DLC1: variants seen among roughly 807,000 people sequenced by gnomAD.
DLC1 encodes the protein DLC1 Rho GTPase activating protein.
A neutral mutation model predicts 140.3 loss-of-function variants in DLC1; 54 were observed. The ratio of observed to expected loss-of-function variants is 0.38; its 90% CI spans 0.31 to 0.48. DLC1 has a LOEUF of 0.48. Ranked by LOEUF, DLC1 falls within the 20% of genes least tolerant of loss-of-function variation. The probability of loss-of-function intolerance (pLI) is 0.96; values close to 1 mark genes in which losing one functional copy is unlikely to be tolerated. For synonymous variants in DLC1, 986 were observed against 728.1 expected (o/e 1.35, Z -5.70); for missense variants, 2,536 against 1,907.0 (o/e 1.33, Z -6.14).
chr8:13,198,183 C>T (rs1827176136), intron 5 of DLC1, among the ~76,000 whole-genome samples: 1 of 152,110 alleles, frequency 6.6e-6, no homozygotes, highest in Admixed American at 6.5e-5. Context: ...AAGTGACGAT[C>T]ACAAGTGTGA....
chr8:13,515,181 A>T (rs188027428), upstream of DLC1, among the ~76,000 whole-genome samples: 1 of 152,356 alleles, frequency 6.6e-6, no homozygotes, highest in Admixed American at 6.5e-5. Flanking sequence ...TGCACAGCTT[A>T]ATCAAAATGC....
At chr8:13,522,060 T>G (rs1802782787) in intron 1 of DLC1, among the ~76,000 whole-genome samples, 1 of 152,082 alleles carries the variant, frequency 6.6e-6, no homozygotes, top group African/African-American at 2.4e-5. Context: ...GGAAGAGATA[T>G]TTTTTCAAGG....
intron 4 of DLC1, among the ~76,000 whole-genome samples, chr8:13,313,256 A>G (rs1205996603): frequency 1.3e-5 from 2 of 152,202 alleles, no homozygotes; most frequent in Non-Finnish European, 2.9e-5. Context: ...TAGTTAATCA[A>G]GACTCAAGCC....
chr8:13,167,950 T>C (rs1456721951), intron 5 of DLC1, among the ~76,000 whole-genome samples: 1 of 152,250 alleles, frequency 6.6e-6, no homozygotes, highest in Admixed American at 6.5e-5. Context: ...GTACCATTTA[T>C]TAATACTTAG....
At chr8:13,364,436 T>C (rs1256656442) in intron 4 of DLC1, among the ~76,000 whole-genome samples, 6 of 152,096 alleles carry the variant, frequency 3.9e-5, no homozygotes, top group Admixed American at 3.9e-4. Context: ...GTAGCTGAGA[T>C]TACAGGCATG....
chr8:13,582,121 C>T (rs765079193), intron 1 of DLC1, among the ~76,000 whole-genome samples: 2 of 152,042 alleles, frequency 1.3e-5, no homozygotes, highest in Non-Finnish European at 2.9e-5. Flanking sequence ...TTTTCTATAG[C>T]CTCTGGAGGT....
At chr8:13,412,498 A>G (rs1837823603) in intron 2 of DLC1, among the ~76,000 whole-genome samples, 1 of 152,130 alleles carries the variant, frequency 6.6e-6, no homozygotes, top group Non-Finnish European at 1.5e-5. Flanking sequence ...ACTGGAAATA[A>G]CTTACTATCA....
At chr8:13,493,154 C>T (rs1204560510) in intron 2 of DLC1, among the ~76,000 whole-genome samples, 1 of 152,192 alleles carries the variant, frequency 6.6e-6, no homozygotes, top group Non-Finnish European at 1.5e-5. Flanking sequence ...GCACAATCTT[C>T]TCAACAGGCC....
intron 5 of DLC1, among the ~76,000 whole-genome samples, chr8:13,302,783 C>T (rs113901882): frequency 2.7e-4 from 41 of 151,362 alleles, no homozygotes; most frequent in African/African-American, 9.9e-4. Context: ...CTCAATTAAC[C>T]CCGAGAAGAT....
chr8:13,324,418 C>G (rs542912352), intron 4 of DLC1, among the ~76,000 whole-genome samples: 2 of 151,802 alleles, frequency 1.3e-5, no homozygotes, highest in Non-Finnish European at 2.9e-5. Flanking sequence ...AATACAAAAA[C>G]TTAGCTGGGC....
intron 5 of DLC1, among the ~76,000 whole-genome samples, chr8:13,159,858 A>G (rs77172485): frequency 4.6e-5 from 6 of 130,514 alleles, no homozygotes; most frequent in South Asian, 2.3e-4. Context: ...ACCTGGTTTG[A>G]AAAAAAAAAA....
chr8:13,517,150 G>A (rs1802613402), upstream of DLC1, among the ~76,000 whole-genome samples: 1 of 152,118 alleles, frequency 6.6e-6, no homozygotes, highest in Admixed American at 6.6e-5. Flanking sequence ...AATGAGAACT[G>A]ATATTATGTC....
chr8:13,337,345 G>C (rs1833848940), intron 4 of DLC1, among the ~76,000 whole-genome samples: 1 of 152,076 alleles, frequency 6.6e-6, no homozygotes, highest in Non-Finnish European at 1.5e-5. Context: ...TCCGATTTCA[G>C]AATAATGGAT....
rs1554577907 is a variant in DLC1, at chr8:13,120,356, A to AAT, written c.1349-4701_1349-4700dup. ...AGACTCCGTCGCAAAAAAAAAAAAA[A>AAT]ATATATATATATATAAAATGTATAT... On this transcript the variant is annotated intron_variant, in intron 5 of 17. Coordinates refer to ENST00000276297, the MANE Select transcript of DLC1 (RefSeq NM_182643.3). 1.5e-3 allele frequency among the ~76,000 whole-genome samples: 89 copies of AAT among 61,128 alleles called. 1 individual carries two copies. The highest frequency in any genetic ancestry group is 3.3e-3 in the African/African-American group (79 of 24,070). The allele number at this position is 61,128 out of a possible 152,430, so 40.1% of individuals were successfully genotyped here.
Position 13,513,322 on chromosome 8 carries a change from T to C in DLC1, c.-126+1280A>G, listed in dbSNP as rs1376362131. 7.2e-5 allele frequency among the ~76,000 whole-genome samples: 11 copies of C among 152,306 alleles called. No homozygotes were observed. The East Asian group carries it at 1.9e-3, about 27-fold the overall frequency. On this transcript the variant is annotated intron_variant, in intron 1 of 17. Coordinates refer to ENST00000276297, the MANE Select transcript of DLC1 (RefSeq NM_182643.3). ...ATAAGTCAGTATTTTATCTTCCACA[T>C]ATATAAAAAGTAGATTCTTTTTCTC...
intron 5 of DLC1, among the ~76,000 whole-genome samples, chr8:13,257,439 G>GAA (rs34452124): frequency 1.8e-4 from 19 of 104,434 alleles, no homozygotes; most frequent in African/African-American, 5.8e-4. Context: ...CCTGTCTCAG[G>GAA]AAAAAAAAAA....
intron 1 of DLC1, among the ~76,000 whole-genome samples, chr8:13,556,857 T>C (rs1217008597): frequency 6.6e-6 from 1 of 152,240 alleles, no homozygotes; most frequent in African/African-American, 2.4e-5. Context: ...AATTCATTTA[T>C]TATTTTCACA....
chr8:13,518,422 T>G (rs1251469970), upstream of DLC1, among the ~76,000 whole-genome samples: 1 of 152,220 alleles, frequency 6.6e-6, no homozygotes, highest in Non-Finnish European at 1.5e-5. Context: ...AGATCTCTTT[T>G]CTACTTAGGT....
At chr8:13,141,484 G>A (rs1020514673) in intron 5 of DLC1, among the ~76,000 whole-genome samples, 2 of 152,092 alleles carry the variant, frequency 1.3e-5, no homozygotes, top group African/African-American at 2.4e-5. Flanking sequence ...CTTTCACCTT[G>A]TCAGTAAAAA....
Sources: gnomAD v4.1 joint callset for allele counts (sites outside exome capture counted in the v4.1 genomes callset) on GRCh38, gnomAD v4.1.1 for gene constraint, MANE v1.5 for transcripts, NCBI Gene and HGNC (gene_info 2026-07-23, HGNC 2026-07-21) for gene names.